Variants in DACH2 observed in about 807,000 individuals in gnomAD.
The protein encoded by DACH2 is dachshund homolog 2.
In DACH2, 17 loss-of-function variants were observed where a neutral mutation model predicts 35.8. That is an observed-to-expected ratio of 0.48 (90% CI 0.33 to 0.71). The LOEUF is 0.71. Ranked by LOEUF, DACH2 falls within the 30% of genes least tolerant of loss-of-function variation. DACH2 has a pLI of 0.02. For missense variants in DACH2, 469 were observed against 472.7 expected, an observed-to-expected ratio of 0.99 and a Z score of 0.07; for synonymous variants, 195 against 177.3, an observed-to-expected ratio of 1.10 and a Z score of -0.79.
chrX:86,607,672 C>T (rs2039876630), intron 3 of DACH2, among the ~76,000 whole-genome samples: 1 of 106,052 alleles, frequency 9.4e-6, no homozygotes. Flanking sequence ...TATACATGTG[C>T]CATGCTGGTG....
At chrX:86,166,538 A>T (rs1362228806) in intron 1 of DACH2, among the ~76,000 whole-genome samples, 1 of 111,015 alleles carries the variant, frequency 9.0e-6, no homozygotes, top group African/African-American at 3.3e-5. Context: ...TCCCTTTTTA[A>T]TTTGGCTGCC....
chrX:86,589,091 A>G (rs2039611262), intron 3 of DACH2, among the ~76,000 whole-genome samples: 1 of 111,675 alleles, frequency 9.0e-6, no homozygotes, highest in African/African-American at 3.2e-5. Context: ...GATTTTATTG[A>G]AAGTTTTTGT....
intron 3 of DACH2, among the ~76,000 whole-genome samples, chrX:86,599,980 AAG>A (rs2039769220): frequency 9.0e-6 from 1 of 111,320 alleles, no homozygotes; most frequent in South Asian, 3.8e-4. Flanking sequence ...GCTGCTCTGG[AAG>A]AGAGTTTTGC....
At chrX:86,592,565 T>G (rs1354089071) in intron 3 of DACH2, among the ~76,000 whole-genome samples, 1 of 112,147 alleles carries the variant, frequency 8.9e-6, no homozygotes, top group African/African-American at 3.2e-5. Context: ...AAACTAATTT[T>G]CTGGGATTTT....
chrX:86,425,010 C>T (rs2036868132), intron 2 of DACH2, among the ~76,000 whole-genome samples: 2 of 110,511 alleles, frequency 1.8e-5, no homozygotes, highest in South Asian at 3.8e-4. Flanking sequence ...GTCCTTGTAC[C>T]CCAGGGATAG....
intron 2 of DACH2, among the ~76,000 whole-genome samples, chrX:86,440,212 C>T (rs1044879382): frequency 2.7e-5 from 3 of 111,317 alleles, no homozygotes; most frequent in South Asian, 3.8e-4. Context: ...ATCTGATAGA[C>T]GGGTGTTAGA....
chrX:86,817,376 G>GT (rs139891909), intron 11 of DACH2, among the ~76,000 whole-genome samples: 14,636 of 110,934 alleles, frequency 0.13, 878 homozygotes, highest in South Asian at 0.39. Flanking sequence ...TGCCCCACTA[G>GT]TTGTGGGCCT....
At chrX:86,231,960 C>T (rs1439780652) in intron 1 of DACH2, among the ~76,000 whole-genome samples, 2 of 111,288 alleles carry the variant, frequency 1.8e-5, no homozygotes, top group African/African-American at 3.3e-5. Context: ...GGCTCTCTAA[C>T]TTGACTCAGC....
At chrX:86,589,865 C>T (rs1267047129) in intron 3 of DACH2, among the ~76,000 whole-genome samples, 1 of 111,714 alleles carries the variant, frequency 9.0e-6, no homozygotes, top group East Asian at 2.8e-4. Context: ...CATCTTATAC[C>T]TCATTTCTTT....
chrX:86,614,084 A>G (rs374138750), intron 3 of DACH2, among the ~76,000 whole-genome samples: 2 of 112,014 alleles, frequency 1.8e-5, no homozygotes, highest in Admixed American at 1.9e-4. Flanking sequence ...TCATTTTCTT[A>G]AATAAATCTG....
chrX:86,781,553 A>G (rs2042089593), intron 7 of DACH2, among the ~76,000 whole-genome samples: 1 of 111,469 alleles, frequency 9.0e-6, no homozygotes, highest in Non-Finnish European at 1.9e-5. Context: ...GGGTCTAATC[A>G]TATTAAGCAG....
intron 1 of DACH2, among the ~76,000 whole-genome samples, chrX:86,214,270 AT>A (rs1299863743): frequency 2.3e-4 from 26 of 111,977 alleles, no homozygotes; most frequent in African/African-American, 8.1e-4. Flanking sequence ...TTAAGAGACA[AT>A]TTAGTTGCCC....
intron 2 of DACH2, among the ~76,000 whole-genome samples, chrX:86,421,553 C>T (rs1047200292): frequency 1.8e-5 from 2 of 111,276 alleles, no homozygotes; most frequent in African/African-American, 6.5e-5. Flanking sequence ...TTTTCTTTGC[C>T]TTTTTCATCT....
rs777687403 is a variant in DACH2 at position 86,370,335 on chromosome X, T to G, written c.489-6489T>G. Among the ~76,000 whole-genome samples, 576 of 111,732 alleles carry G rather than the reference T, an allele frequency of 5.2e-3. 9 individuals carry two copies. Among genetic ancestry groups the G allele is most frequent in the South Asian group, 7.8e-3 (21 of 2,704 alleles). The stretch of plus-strand genomic sequence containing the variant: ...ATCAAACACAAAGTTAGCTAAAAGC[T>G]GATAAAGCAGTAATTGTGTCCAACG... On this transcript the variant is annotated intron_variant, in intron 1 of 11. Coordinates refer to ENST00000373125, the MANE Select transcript of DACH2 (RefSeq NM_053281.3).
At chrX:86,305,362 GT>G (rs775880770) in intron 1 of DACH2, among the ~76,000 whole-genome samples, 71 of 111,461 alleles carry the variant, frequency 6.4e-4, no homozygotes, top group African/African-American at 2.3e-3. Context: ...ATATTACACT[GT>G]TTTTTGATGT....
intron 7 of DACH2, among the ~76,000 whole-genome samples, chrX:86,807,488 C>A (rs912682070): frequency 1.2e-4 from 13 of 111,747 alleles, no homozygotes; most frequent in Admixed American, 1.1e-3. Context: ...CCCAAGCAAT[C>A]AGGCTCCAGT....
intron 11 of DACH2, among the ~76,000 whole-genome samples, chrX:86,824,498 G>A (rs937905183): frequency 9.0e-6 from 1 of 111,715 alleles, no homozygotes; most frequent in Non-Finnish European, 1.9e-5. Context: ...AATTATCACA[G>A]TGGTCCTGAG....
At chrX:86,713,699 G>A (rs1187766925) in intron 5 of DACH2, among the ~76,000 whole-genome samples, 2 of 111,566 alleles carry the variant, frequency 1.8e-5, no homozygotes, top group African/African-American at 6.5e-5. Flanking sequence ...AATTTTAGTA[G>A]ACTCTGCTCA....
At chrX:86,716,766 C>A (rs1462474187) in intron 6 of DACH2, among the ~76,000 whole-genome samples, 1 of 111,647 alleles carries the variant, frequency 9.0e-6, no homozygotes, top group Non-Finnish European at 1.9e-5. Flanking sequence ...TAATTGTGGT[C>A]CTGGAAATGG....
Sources: allele counts gnomAD v4.1 joint callset (sites outside exome capture counted in the v4.1 genomes callset), GRCh38; gene constraint gnomAD v4.1.1; transcripts MANE v1.5; gene names NCBI Gene and HGNC (gene_info 2026-07-23, HGNC 2026-07-21).